MYG1: variants seen among roughly 807,000 people sequenced by gnomAD.
MYG1 encodes the protein MYG1 exonuclease.
MYG1 carries 36 observed loss-of-function variants against 43.5 expected under a neutral mutation model. That is an observed-to-expected ratio of 0.83 (90% CI 0.63 to 1.09). The LOEUF (loss-of-function observed/expected upper bound fraction) is 1.09. Ranked by LOEUF, MYG1 falls within the 50% of genes least tolerant of loss-of-function variation. MYG1 has a pLI of 0.00. For missense variants in MYG1, 529 were observed against 495.1 expected, an observed-to-expected ratio of 1.07 and a Z score of -0.65; for synonymous variants, 220 against 202.8, an observed-to-expected ratio of 1.08 and a Z score of -0.72.
chr12:53,301,363 G>A (rs1235878525), intron 2 of MYG1, among the ~76,000 whole-genome samples: 2 of 152,188 alleles, frequency 1.3e-5, no homozygotes, highest in Non-Finnish European at 2.9e-5. Flanking sequence ...ACCACGAGAA[G>A]TAATTATCTT....
rs1261494438 is a variant in MYG1 at position 53,299,759 on chromosome 12, G to C, written c.22G>C (p.Gly8Arg). The change falls in exon 1 of 7, where the codon GGC becomes CGC. Residue 8 changes from glycine (G) to arginine (R), a missense_variant. Coordinates refer to ENST00000267103, the MANE Select transcript of MYG1 (RefSeq NM_021640.4). MGHQFLR[G>R]LLTLLLPPPP... ...GCTTATGGGACACCAATTCCTGCGC[G>C]GCCTCTTAACGCTGCTGCTGCCGCC... 63 of 1,613,620 alleles carry C rather than the reference G, an allele frequency of 3.9e-5. No homozygotes were observed. Among genetic ancestry groups the C allele is most frequent in the Non-Finnish European group, 5.2e-5 (61 of 1,179,896 alleles).
Position 53,300,245 on chromosome 12 carries a change from A to C in MYG1, c.312A>C (p.Arg104=). 1 of 1,585,870 alleles carries C rather than the reference A, an allele frequency of 6.3e-7. No individual in the cohort carries two copies. The highest frequency in any genetic ancestry group is 8.6e-7 in the Non-Finnish European group (1 of 1,166,310). The change falls in exon 2 of 7, where the codon CGA becomes CGC. Residue 104 remains arginine, a synonymous_variant. Transcript: ENST00000267103. ...GCGAGTACGACCCTCGGAGACACCGATATGACCATCACCAGAGGTAGGTTC... is the reference window on the plus strand; with the variant it reads ...GCGAGTACGACCCTCGGAGACACCGCTATGACCATCACCAGAGGTAGGTTC... ...VGGEYDPRRH[R]YDHHQRSFTE...
chr12:53,304,349 A>G (rs2030901), intron 3 of MYG1, among the ~76,000 whole-genome samples: 144,305 of 151,946 alleles, frequency 0.95, 68,979 homozygotes, highest in East Asian at 1. Context: ...GCAGTGGCAC[A>G]ATCTCAGCTC....
chr12:53,305,531 A>G (rs1944267274), intron 3 of MYG1, among the ~76,000 whole-genome samples: 1 of 152,064 alleles, frequency 6.6e-6, no homozygotes, highest in Admixed American at 6.6e-5. Flanking sequence ...GTCACTGAAT[A>G]CCTACTCACC....
At chr12:53,306,387 T>A (rs1944281346) in intron 5 of MYG1, 67 bp downstream of exon 5, 1 of 1,597,324 alleles carries the variant, frequency 6.3e-7, no homozygotes, top group Non-Finnish European at 8.5e-7. Flanking sequence ...GAACTCCTGC[T>A]TCTTCTACCC....
intron 2 of MYG1, among the ~76,000 whole-genome samples, chr12:53,301,021 G>A (rs542630745): frequency 1.2e-3 from 184 of 151,500 alleles, no homozygotes; most frequent in African/African-American, 4.0e-3. Context: ...CCAGGTTCAA[G>A]CGATTCTCCT....
In MYG1 at chr12:53,306,253, A is replaced by G. The variant is rs1415386925; in HGVS notation, c.698A>G (p.Asp233Gly). 3 of 1,614,204 alleles carry G rather than the reference A, an allele frequency of 1.9e-6. No individual in the cohort carries two copies. Among genetic ancestry groups the G allele is most frequent in the Non-Finnish European group, 2.5e-6 (3 of 1,180,032 alleles). Residue 233 changes from aspartate (D) to glycine (G), a missense_variant, in exon 5 of 7, where the codon GAT (aspartate) becomes GGT (glycine). By Grantham distance (94) the Asp-to-Gly change is moderately conservative. Transcript: ENST00000267103. ...LVQEEFLQRLDFYQHSWLPAR... is the reference protein window; with the variant it reads ...LVQEEFLQRLGFYQHSWLPAR... The stretch of plus-strand genomic sequence containing the variant: ...CAAGAGGAGTTTCTGCAGAGATTAG[A>G]TTTCTACCAACACAGCTGGCTGCCA...
In MYG1 at chr12:53,300,248, T is replaced by C. The variant is rs1206954706; in HGVS notation, c.315T>C (p.Tyr105=). 2 of 1,584,140 alleles carry C rather than the reference T, an allele frequency of 1.3e-6. No individual in the cohort carries two copies. Among genetic ancestry groups the C allele is most frequent in the African/African-American group, 2.7e-5 (2 of 73,686 alleles). The change falls in exon 2 of 7, where the codon TAT becomes TAC. Residue 105 remains tyrosine, a synonymous_variant. Coordinates refer to ENST00000267103, the MANE Select transcript of MYG1 (RefSeq NM_021640.4). ...GGEYDPRRHR[Y]DHHQRSFTET... Reference sequence around the variant, plus strand: ...AGTACGACCCTCGGAGACACCGATATGACCATCACCAGAGGTAGGTTCTCA... The same window carrying C: ...AGTACGACCCTCGGAGACACCGATACGACCATCACCAGAGGTAGGTTCTCA...
At chr12:53,305,745 T>G in intron 3 of MYG1, 163 bp from the exon 4 acceptor site, 7 of 809,822 alleles carry the variant, frequency 8.6e-6, no homozygotes, top group Non-Finnish European at 1.3e-5. Flanking sequence ...CTGTCTGAGC[T>G]TCAGCGAGCT....
In MYG1 at chr12:53,306,528, GA is replaced by G. The variant is rs1466035366; in HGVS notation, c.766-151del. On this transcript the variant is annotated intron_variant, in intron 5 of 6. Coordinates refer to ENST00000267103, the MANE Select transcript of MYG1 (RefSeq NM_021640.4). ...CCAGCTAATTTTTGTATTTTTTGTA[GA>G]GACAGGGTCTTACTTTGTTGCCTAG... 6 of 1,081,326 alleles carry G rather than the reference GA, an allele frequency of 5.5e-6. No individual in the cohort carries two copies. The African/African-American group carries it at 8.0e-5, about 14-fold the overall frequency. The allele number at this position is 1,081,326 out of a possible 1,614,324, so 67.0% of individuals were successfully genotyped here. A position where few individuals can be genotyped will look rare whatever the true frequency, so the allele number is the denominator to read the frequency against.
chr12:53,302,131 G>T (rs1592506853), intron 2 of MYG1, among the ~76,000 whole-genome samples: 1 of 152,140 alleles, frequency 6.6e-6, no homozygotes, highest in South Asian at 2.1e-4. Context: ...ACAGGCGTGT[G>T]CCACCATGTC....
chr12:53,304,466 G>C (rs921345037), intron 3 of MYG1, among the ~76,000 whole-genome samples: 10 of 149,828 alleles, frequency 6.7e-5, no homozygotes, highest in African/African-American at 2.5e-4. Context: ...TTTATTTTTA[G>C]TAGAAACGGG....
intron 2 of MYG1, among the ~76,000 whole-genome samples, chr12:53,302,793 C>G (rs775870959): frequency 3.9e-5 from 6 of 152,132 alleles, no homozygotes; most frequent in Non-Finnish European, 8.8e-5. Flanking sequence ...TCCTCTGAAC[C>G]CTTTCCTCAT....
At chr12:53,300,093 C>G (rs1944214266) in intron 1 of MYG1, 57 bp from the exon 2 acceptor site, 1 of 1,530,254 alleles carries the variant, frequency 6.5e-7, no homozygotes. Context: ...TGAAGTCCAG[C>G]ATTAATCCCC....
At chr12:53,300,568 C>A (rs1944221673) in intron 2 of MYG1, among the ~76,000 whole-genome samples, 1 of 152,214 alleles carries the variant, frequency 6.6e-6, no homozygotes, top group African/African-American at 2.4e-5. Context: ...TGTGATTAAT[C>A]CATTCTGGTG....
rs775281066 is a variant in MYG1, at chr12:53,306,341, A to C, written c.765+21A>C. 50 of 1,613,572 alleles carry C rather than the reference A, an allele frequency of 3.1e-5. 2 individuals carry two copies. The Middle Eastern group carries it at 6.6e-4, about 21-fold the overall frequency. ...TCCAGGTATAGGCCTTGGAGGAGGC[A>C]TTATGGCTTGAGGATTACTGACTGC... On this transcript the variant is annotated intron_variant, in intron 5 of 6. Coordinates refer to ENST00000267103, the MANE Select transcript of MYG1 (RefSeq NM_021640.4).
In MYG1 at chr12:53,299,967, A is replaced by T; in HGVS notation, c.216+14A>T. ...CCGGAGTACCGGGTACGGTCCGCGA[A>T]AAGTGACCCTGGGACTGCGTGCATG... On this transcript the variant is annotated intron_variant, in intron 1 of 6. Transcript: ENST00000267103. 6.2e-7 allele frequency: 1 copy of T among 1,613,936 alleles called. No homozygotes were observed. The highest frequency in any genetic ancestry group is 8.5e-7 in the Non-Finnish European group (1 of 1,179,902).
Position 53,300,230 on chromosome 12 carries a change from C to T in MYG1, c.297C>T (p.Asp99=). The T allele has an allele frequency of 6.3e-7, 1 of 1,598,154 alleles. No homozygotes were observed. Among genetic ancestry groups the T allele is most frequent in the South Asian group, 1.1e-5 (1 of 89,318 alleles). ...DIVVDVGGEY[D]PRRHRYDHHQ... ...TGGTGGACGTGGGGGGCGAGTACGA[C>T]CCTCGGAGACACCGATATGACCATC... The change falls in exon 2 of 7, where the codon GAC becomes GAT. Residue 99 remains aspartate, a synonymous_variant. Coordinates refer to ENST00000267103, the MANE Select transcript of MYG1 (RefSeq NM_021640.4).
intron 2 of MYG1, among the ~76,000 whole-genome samples, chr12:53,300,553 C>G (rs531572681): frequency 1.3e-5 from 2 of 152,204 alleles, no homozygotes; most frequent in South Asian, 4.1e-4. Flanking sequence ...CTAAATAAAC[C>G]CATCTGTGAT....
Sources: allele counts gnomAD v4.1 joint callset (sites outside exome capture counted in the v4.1 genomes callset), GRCh38; gene constraint gnomAD v4.1.1; transcripts MANE v1.5; gene names NCBI Gene and HGNC (gene_info 2026-07-23, HGNC 2026-07-21).